EEFSEC: variants seen among roughly 807,000 people sequenced by gnomAD.
The protein encoded by EEFSEC is selenocysteine-specific elongation factor.
EEFSEC carries 43 observed loss-of-function variants against 42.1 expected under a neutral mutation model. The observed-to-expected ratio is 1.02, with a 90% CI of 0.80 to 1.32. EEFSEC has a LOEUF of 1.32. EEFSEC is among the 40% of genes most tolerant of loss of function. The pLI is 0.00. For missense variants in EEFSEC, 745 were observed against 803.6 expected (o/e 0.93, Z 0.88); for synonymous variants, 354 against 339.1 (o/e 1.04, Z -0.48).
intron 6 of EEFSEC, among the ~76,000 whole-genome samples, chr3:128,369,350 G>C (rs1249563356): frequency 6.6e-6 from 1 of 152,210 alleles, no homozygotes; most frequent in Non-Finnish European, 1.5e-5. Context: ...TGTTCCTCTG[G>C]GGTTTGAAAT....
At chr3:128,303,611 A>T (rs186482456) in intron 4 of EEFSEC, among the ~76,000 whole-genome samples, 12 of 152,322 alleles carry the variant, frequency 7.9e-5, no homozygotes, top group Admixed American at 7.2e-4. Flanking sequence ...TGAGGAAATG[A>T]GCTCTGTGTC....
At chr3:128,254,702 G>A (rs528171341) in intron 2 of EEFSEC, among the ~76,000 whole-genome samples, 1 of 152,242 alleles carries the variant, frequency 6.6e-6, no homozygotes, top group African/African-American at 2.4e-5. Flanking sequence ...TGGGGAGACT[G>A]GAGCAGATCC....
chr3:128,331,644 C>A (rs538060320), intron 4 of EEFSEC, among the ~76,000 whole-genome samples: 1 of 152,090 alleles, frequency 6.6e-6, no homozygotes, highest in South Asian at 2.1e-4. Flanking sequence ...ACTTTGCCAC[C>A]CCTAGGAGTT....
At chr3:128,290,581 T>C (rs1330453101) in intron 4 of EEFSEC, among the ~76,000 whole-genome samples, 1 of 152,164 alleles carries the variant, frequency 6.6e-6, no homozygotes, top group East Asian at 1.9e-4. Context: ...TTTTTTTTTT[T>C]TTAAGTATTG....
At chr3:128,370,319 T>C (rs1349846184) in intron 6 of EEFSEC, among the ~76,000 whole-genome samples, 1 of 152,136 alleles carries the variant, frequency 6.6e-6, no homozygotes, top group Non-Finnish European at 1.5e-5. Flanking sequence ...AATGAGGTGA[T>C]GAAGACAGAG....
chr3:128,424,755 A>G, the EEFSEC span, among the ~76,000 whole-genome samples: 74 of 152,200 alleles, frequency 4.9e-4, 1 homozygote, highest in African/African-American at 1.6e-3. Context: ...AGTGAACCCC[A>G]TGTGTCCATA....
intron 4 of EEFSEC, among the ~76,000 whole-genome samples, chr3:128,272,142 C>T (rs556752713): frequency 2.0e-5 from 3 of 152,316 alleles, no homozygotes; most frequent in African/African-American, 7.2e-5. Context: ...GCCACACACT[C>T]AGGTGGCACC....
intron 1 of EEFSEC, among the ~76,000 whole-genome samples, chr3:128,158,904 T>G (rs1944427183): frequency 6.6e-6 from 1 of 152,240 alleles, no homozygotes; most frequent in Admixed American, 6.5e-5. Context: ...TTTGGCAAGT[T>G]TTTTATTTAG....
chr3:128,353,748 C>T (rs890906933), intron 5 of EEFSEC, among the ~76,000 whole-genome samples: 1 of 152,214 alleles, frequency 6.6e-6, no homozygotes, highest in Non-Finnish European at 1.5e-5. Context: ...TGGATCCAGA[C>T]AGTCTGAGTT....
intron 6 of EEFSEC, among the ~76,000 whole-genome samples, chr3:128,364,002 C>A (rs1053364938): frequency 7.2e-5 from 11 of 152,082 alleles, no homozygotes; most frequent in Non-Finnish European, 1.5e-4. Flanking sequence ...GTTTCCTGAT[C>A]TTTAAAACAA....
chr3:128,203,401 A>T (rs531763561), intron 1 of EEFSEC, among the ~76,000 whole-genome samples: 1 of 152,248 alleles, frequency 6.6e-6, no homozygotes, highest in Non-Finnish European at 1.5e-5. Flanking sequence ...GCAGAGGAAG[A>T]TGATGAGTGT....
Position 128,153,684 on chromosome 3 carries a change from G to A in EEFSEC, c.177G>A (p.Pro59=). 1.3e-6 allele frequency: 2 copies of A among 1,592,104 alleles called. No individual in the cohort carries two copies. Among genetic ancestry groups the A allele is most frequent in the Non-Finnish European group, 8.5e-7 (1 of 1,176,554 alleles). The change falls in exon 1 of 7, where the codon CCG becomes CCA. Residue 59 remains proline (P), a synonymous_variant. Coordinates refer to ENST00000254730, the MANE Select transcript of EEFSEC (RefSeq NM_021937.5). The part of the protein sequence containing the change: ...LDLGFSCFSV[P]LPARLRSSLP... ...TGGGCTTCTCGTGCTTCTCGGTGCCGCTGCCCGCGCGCCTGCGGTCGTCTT... is the reference window on the plus strand; with the variant it reads ...TGGGCTTCTCGTGCTTCTCGGTGCCACTGCCCGCGCGCCTGCGGTCGTCTT...
At chr3:128,357,010 C>T (rs1025092204) in intron 5 of EEFSEC, among the ~76,000 whole-genome samples, 9 of 152,258 alleles carry the variant, frequency 5.9e-5, no homozygotes, top group African/African-American at 1.7e-4. Flanking sequence ...GCAAGCACAT[C>T]AGCGGGATGC....
At chr3:128,222,148 C>T (rs1243517975) in intron 1 of EEFSEC, among the ~76,000 whole-genome samples, 1 of 151,098 alleles carries the variant, frequency 6.6e-6, no homozygotes, top group Non-Finnish European at 1.5e-5. Context: ...ATTCTCATGC[C>T]CCAGCCTCCC....
chr3:128,319,862 A>T (rs1274932423), intron 4 of EEFSEC, among the ~76,000 whole-genome samples: 1 of 152,216 alleles, frequency 6.6e-6, no homozygotes, highest in Non-Finnish European at 1.5e-5. Flanking sequence ...ATGGCTGCCA[A>T]GGGAGTAGCC....
chr3:128,202,960 G>T (rs1181552372), intron 1 of EEFSEC, among the ~76,000 whole-genome samples: 4 of 152,096 alleles, frequency 2.6e-5, no homozygotes, highest in Non-Finnish European at 4.4e-5. Flanking sequence ...TATACTGATT[G>T]ATTTTTTTGA....
intron 1 of EEFSEC, among the ~76,000 whole-genome samples, chr3:128,215,951 T>C (rs2065806932): frequency 6.6e-6 from 1 of 152,016 alleles, no homozygotes; most frequent in East Asian, 1.9e-4. Flanking sequence ...GGGACCAGAG[T>C]TCCTACTGTC....
chr3:128,296,854 C>T (rs1312628414), intron 4 of EEFSEC, among the ~76,000 whole-genome samples: 1 of 152,202 alleles, frequency 6.6e-6, no homozygotes, highest in African/African-American at 2.4e-5. Context: ...CCCCCAGTGG[C>T]AGTCAGGTGG....
At chr3:128,410,562 G>A (rs1041493081), downstream of EEFSEC, among the ~76,000 whole-genome samples, 3 of 152,264 alleles carry the variant, frequency 2.0e-5, no homozygotes, top group African/African-American at 7.2e-5. Context: ...ACAGATTCAG[G>A]CCTCTCCCTG....
Sources: gnomAD v4.1 joint callset for allele counts (sites outside exome capture counted in the v4.1 genomes callset) on GRCh38, gnomAD v4.1.1 for gene constraint, MANE v1.5 for transcripts, NCBI Gene and HGNC (gene_info 2026-07-23, HGNC 2026-07-21) for gene names.